B3GNT4: variants seen among roughly 807,000 people sequenced by gnomAD.
The protein encoded by B3GNT4 is N-acetyllactosaminide beta-1,3-N-acetylglucosaminyltransferase 4.
Under a neutral mutation model 2.7 loss-of-function variants are expected in B3GNT4, and 2 were observed. That is an observed-to-expected ratio of 0.73 (90% confidence interval 0.30 to 2.31). The LOEUF (loss-of-function observed/expected upper bound fraction) is 2.31. Ranked by LOEUF, B3GNT4 falls within the 30% of genes most tolerant of loss-of-function variation. The probability of loss-of-function intolerance (pLI) is 0.12; values close to 1 mark genes in which losing one functional copy is unlikely to be tolerated. For synonymous variants in B3GNT4, 280 were observed against 203.4 expected, an observed-to-expected ratio of 1.38 and a Z score of -3.20; for missense variants, 708 against 490.9, an observed-to-expected ratio of 1.44 and a Z score of -4.18.
rs150959436 is a variant in B3GNT4 at position 122,206,767 on chromosome 12, C to G, written c.516C>G (p.Ala172=). The part of the protein sequence containing the change: ...AGSAPPAQLL[A]YESREFDDIL... ...CCGCTCCCCCAGCCCAGCTGCTGGC[C>G]TATGAGAGTAGGGAGTTTGATGACA... is the stretch of plus-strand genomic sequence containing the variant. The change falls in exon 3 of 3, where the codon GCC becomes GCG. Residue 172 remains alanine, a synonymous_variant. Coordinates refer to ENST00000324189, the MANE Select transcript of B3GNT4 (RefSeq NM_030765.4). 3.7e-6 allele frequency: 6 copies of G among 1,606,676 alleles called. No homozygotes were observed. The highest frequency in any genetic ancestry group is 5.1e-6 in the Non-Finnish European group (6 of 1,175,932).
rs191255872 is a variant in B3GNT4 at position 122,208,560 on chromosome 12, T to G, written c.*1172T>G. On this transcript the variant is annotated 3_prime_UTR_variant, in exon 3 of 3. Coordinates refer to ENST00000324189, the MANE Select transcript of B3GNT4 (RefSeq NM_030765.4). Reference sequence around the variant, plus strand: ...AGCTGAATGTGATTCCTGGCGGTTATAGAGGCCTGATCTGCGCCTGCCAAA... The same window carrying G: ...AGCTGAATGTGATTCCTGGCGGTTAGAGAGGCCTGATCTGCGCCTGCCAAA... 388 of 1,613,422 alleles carry G rather than the reference T, an allele frequency of 2.4e-4. 3 individuals carry two copies. Among genetic ancestry groups the G allele is most frequent in the Non-Finnish European group, 1.5e-5 (18 of 1,180,042 alleles).
rs1448891462 is a variant in B3GNT4 at position 122,206,907 on chromosome 12, A to C, written c.656A>C (p.Asp219Ala). ...PQAHFMLKGD[D>A]DVFVHVPNVL... is the part of the protein sequence containing the mutation. ...GCCCATTTCATGCTAAAGGGAGATG[A>C]CGATGTCTTTGTCCACGTCCCCAAC... The change falls in exon 3 of 3, where the codon GAC (aspartate) becomes GCC (alanine). Residue 219 changes from aspartate (D) to alanine (A), a missense_variant. Transcript: ENST00000324189. 4 of 1,613,942 alleles carry C rather than the reference A, an allele frequency of 2.5e-6. No homozygotes were observed. In the African/African-American group the frequency reaches 4.0e-5, roughly 16 times the overall value.
rs528672572 is a variant in B3GNT4 at position 122,207,945 on chromosome 12, C to T, written c.*557C>T. ...ATACAAAGAAATCGTACAAACTGGA[C>T]AGGTTCCCCTCCCCCTGCCACAACT... On this transcript the variant is annotated 3_prime_UTR_variant, in exon 3 of 3. Coordinates refer to ENST00000324189, the MANE Select transcript of B3GNT4 (RefSeq NM_030765.4). 4 of 463,976 alleles carry T rather than the reference C, an allele frequency of 8.6e-6. No homozygotes were observed. Among genetic ancestry groups the T allele is most frequent in the African/African-American group, 7.9e-5 (4 of 50,548 alleles). 28.7% of individuals were successfully genotyped at this position (463,976 alleles called of 1,614,324 possible).
In B3GNT4 at chr12:122,207,422, C is replaced by T; in HGVS notation, c.*34C>T. The T allele has an allele frequency of 6.7e-7, 1 of 1,501,124 alleles. No individual in the cohort carries two copies. The highest frequency in any genetic ancestry group is 8.9e-7 in the Non-Finnish European group (1 of 1,126,692). 93.0% of individuals were successfully genotyped at this position (1,501,124 alleles called of 1,614,324 possible). On this transcript the variant is annotated 3_prime_UTR_variant, in exon 3 of 3. Transcript: ENST00000324189. ...TTGGGCAACAGCCTGAGAGTGGACT[C>T]AGTGTTGATTCTCTATCGTGATGCG...
Position 122,208,058 on chromosome 12 carries a change from G to C in B3GNT4, c.*670G>C, listed in dbSNP as rs1360822491. ...AGGTTAAACAGTTGCTGAACTTAAG[G>C]GCATGACAAAAAGGACTCCTCTCTC... On this transcript the variant is annotated 3_prime_UTR_variant, in exon 3 of 3. Coordinates refer to ENST00000324189, the MANE Select transcript of B3GNT4 (RefSeq NM_030765.4). The C allele has an allele frequency of 1.2e-5, 7 of 571,240 alleles. No homozygotes were observed. In the Admixed American group the frequency reaches 1.3e-4, roughly 11 times the overall value. The allele number at this position is 571,240 out of a possible 1,614,324, so 35.4% of individuals were successfully genotyped here.
rs2136075739 is a variant in B3GNT4 at position 122,207,276 on chromosome 12, A to T, written c.1025A>T (p.Tyr342Phe). ...CTGGACCCCTTAGACCCCTGCCTGT[A>T]TAGGGGGCTCCTGCTGGTTCACCGC... ...RPLDPLDPCL[Y>F]RGLLLVHRLS... The change falls in exon 3 of 3, where the codon TAT becomes TTT. Residue 342 changes from tyrosine to phenylalanine, a missense_variant. Physicochemically the swap from Tyr to Phe is conservative, Grantham distance 22. Transcript: ENST00000324189. The T allele has an allele frequency of 6.2e-7, 1 of 1,614,034 alleles. No homozygotes were observed. Among genetic ancestry groups the T allele is most frequent in the Non-Finnish European group, 8.5e-7 (1 of 1,179,980 alleles).
At chr12:122,204,412 C>G in intron 1 of B3GNT4, 110 bp from the exon 2 acceptor site, 1 of 536,850 alleles carries the variant, frequency 1.9e-6, no homozygotes, top group Non-Finnish European at 3.3e-6. Flanking sequence ...AGGGGCCACC[C>G]GGGCCGCGGC....
chr12:122,206,321 C>G lies in B3GNT4; in HGVS notation c.70C>G (p.Pro24Ala), dbSNP rs754941206. ...GGRSGLLPKG[P>A]AMLCRLCWLV... ...TCAGGTGGCTCTCTCCTTGCAGGGA[C>G]CGGCGATGCTCTGCAGGCTGTGCTG... The change falls in exon 3 of 3, where the codon CCG becomes GCG. Residue 24 changes from proline (P) to alanine (A), a missense_variant. Coordinates refer to ENST00000324189, the MANE Select transcript of B3GNT4 (RefSeq NM_030765.4). 1 of 1,557,064 alleles carries G rather than the reference C, an allele frequency of 6.4e-7. No individual in the cohort carries two copies. Among genetic ancestry groups the G allele is most frequent in the Non-Finnish European group, 8.7e-7 (1 of 1,151,266 alleles).
Position 122,206,794 on chromosome 12 carries a change from C to T in B3GNT4, c.543C>T (p.Ile181=). 1.2e-6 allele frequency: 2 copies of T among 1,609,252 alleles called. No homozygotes were observed. Among genetic ancestry groups the T allele is most frequent in the African/African-American group, 1.3e-5 (1 of 74,970 alleles). The change falls in exon 3 of 3, where the codon ATC becomes ATT. Residue 181 remains isoleucine (I), a synonymous_variant. Coordinates refer to ENST00000324189, the MANE Select transcript of B3GNT4 (RefSeq NM_030765.4). ...LAYESREFDD[I]LQWDFTEDFF... ...ATGAGAGTAGGGAGTTTGATGACAT[C>T]CTCCAGTGGGACTTCACTGAGGACT... is the stretch of plus-strand genomic sequence containing the variant.
In B3GNT4 at chr12:122,206,363, T is replaced by A; in HGVS notation, c.112T>A (p.Leu38Met). 1 of 1,606,168 alleles carries A rather than the reference T, an allele frequency of 6.2e-7. No homozygotes were observed. The highest frequency in any genetic ancestry group is 8.5e-7 in the Non-Finnish European group (1 of 1,176,872). ...CRLCWLVSYS[L>M]AVLLLGCLLF... ...GCTGTGCTGGCTGGTCTCGTACAGC[T>A]TGGCTGTGCTGTTGCTCGGCTGCCT... The change falls in exon 3 of 3, where the codon TTG (leucine) becomes ATG (methionine). Residue 38 changes from leucine (L) to methionine (M), a missense_variant. Transcript: ENST00000324189.
Position 122,206,446 on chromosome 12 carries a change from C to T in B3GNT4, c.195C>T (p.Phe65=). ...PAGDPTAHQP[F]WAPPTPRHSR... ...GAGACCCCACGGCCCACCAGCCTTT[C>T]TGGGCTCCCCCAACACCCCGTCACA... Residue 65 remains phenylalanine (F), a synonymous_variant, in exon 3 of 3, where the codon TTC becomes TTT. Coordinates refer to ENST00000324189, the MANE Select transcript of B3GNT4 (RefSeq NM_030765.4). 2 of 1,614,134 alleles carry T rather than the reference C, an allele frequency of 1.2e-6. No individual in the cohort carries two copies. Among genetic ancestry groups the T allele is most frequent in the Non-Finnish European group, 1.7e-6 (2 of 1,180,010 alleles).
rs187124215 is a variant in B3GNT4 at position 122,206,818 on chromosome 12, C to T, written c.567C>T (p.Asp189=). 2 of 1,612,220 alleles carry T rather than the reference C, an allele frequency of 1.2e-6. No homozygotes were observed. The highest frequency in any genetic ancestry group is 1.3e-5 in the African/African-American group (1 of 75,028). The stretch of plus-strand genomic sequence containing the variant: ...TCCTCCAGTGGGACTTCACTGAGGA[C>T]TTCTTCAACCTGACGCTCAAGGAGC... ...DDILQWDFTE[D]FFNLTLKELH... The change falls in exon 3 of 3, where the codon GAC becomes GAT. Residue 189 remains aspartate (D), a synonymous_variant. Coordinates refer to ENST00000324189, the MANE Select transcript of B3GNT4 (RefSeq NM_030765.4).
rs751808040 is a variant in B3GNT4 at position 122,208,290 on chromosome 12, G to A, written c.*902G>A. 2 of 1,488,590 alleles carry A rather than the reference G, an allele frequency of 1.3e-6. No homozygotes were observed. Among genetic ancestry groups the A allele is most frequent in the African/African-American group, 1.4e-5 (1 of 72,316 alleles). 92.2% of individuals were successfully genotyped at this position (1,488,590 alleles called of 1,614,324 possible). A position where few individuals can be genotyped will look rare whatever the true frequency, so the allele number is the denominator to read the frequency against. The stretch of plus-strand genomic sequence containing the variant: ...GGGCAGGATCTGCCGCCTCTTCTCG[G>A]TGCACAGACAGTCATGCCAACCCTG... On this transcript the variant is annotated 3_prime_UTR_variant, in exon 3 of 3. Transcript: ENST00000324189.
rs944132769 is a variant in B3GNT4 at position 122,206,806 on chromosome 12, C to A, written c.555C>A (p.Asp185Glu). 1 of 1,611,102 alleles carries A rather than the reference C, an allele frequency of 6.2e-7. No individual in the cohort carries two copies. The highest frequency in any genetic ancestry group is 8.5e-7 in the Non-Finnish European group (1 of 1,178,496). ...SREFDDILQW[D>E]FTEDFFNLTL... The stretch of plus-strand genomic sequence containing the variant: ...AGTTTGATGACATCCTCCAGTGGGA[C>A]TTCACTGAGGACTTCTTCAACCTGA... The change falls in exon 3 of 3, where the codon GAC (aspartate) becomes GAA (glutamate). Residue 185 changes from aspartate (D) to glutamate (E), a missense_variant. By Grantham distance (45) the Asp-to-Glu change is conservative. Coordinates refer to ENST00000324189, the MANE Select transcript of B3GNT4 (RefSeq NM_030765.4).
rs774774427 is a variant in B3GNT4, at chr12:122,206,792, A to G, written c.541A>G (p.Ile181Val). 1.9e-6 allele frequency: 3 copies of G among 1,609,032 alleles called. No individual in the cohort carries two copies. The highest frequency in any genetic ancestry group is 2.7e-5 in the African/African-American group (2 of 74,940). The change falls in exon 3 of 3, where the codon ATC becomes GTC. Residue 181 changes from isoleucine (I) to valine (V), a missense_variant. Ile to Val is a conservative substitution (Grantham distance 29). Transcript: ENST00000324189. Reference sequence around the variant, plus strand: ...CTATGAGAGTAGGGAGTTTGATGACATCCTCCAGTGGGACTTCACTGAGGA... The same window carrying G: ...CTATGAGAGTAGGGAGTTTGATGACGTCCTCCAGTGGGACTTCACTGAGGA... Reference protein sequence around the residue: ...LAYESREFDDILQWDFTEDFF... With the variant: ...LAYESREFDDVLQWDFTEDFF...
At position 122,206,863 on chromosome 12, in the gene B3GNT4, GGTGGCTGC is replaced by G. The variant is rs1229243117; in HGVS notation, c.613_620del (p.Val205LeufsTer12). The stretch of plus-strand genomic sequence containing the variant: ...AGGAGCTGCACCTGCAGCGCTGGGT[GGTGGCTGC>G]CTGCCCCCAGGCCCATTTCATGCTA... On this transcript the variant is annotated frameshift_variant, in exon 3 of 3. Coordinates refer to ENST00000324189, the MANE Select transcript of B3GNT4 (RefSeq NM_030765.4). LOFTEE classifies it low-confidence loss of function (END_TRUNC). The G allele has an allele frequency of 6.2e-7, 1 of 1,613,836 alleles. No individual in the cohort carries two copies. The highest frequency in any genetic ancestry group is 2.2e-5 in the East Asian group (1 of 44,866).
At position 122,206,763 on chromosome 12, in the gene B3GNT4, T is replaced by C. The variant is rs781295138; in HGVS notation, c.512T>C (p.Leu171Pro). Residue 171 changes from leucine to proline, a missense_variant, in exon 3 of 3, where the codon CTG becomes CCG. Transcript: ENST00000324189. ...VAGSAPPAQL[L>P]AYESREFDDI... ...GGATCCGCTCCCCCAGCCCAGCTGCTGGCCTATGAGAGTAGGGAGTTTGAT... is the reference window on the plus strand; with the variant it reads ...GGATCCGCTCCCCCAGCCCAGCTGCCGGCCTATGAGAGTAGGGAGTTTGAT... The C allele has an allele frequency of 3.7e-6, 6 of 1,606,456 alleles. No homozygotes were observed. The highest frequency in any genetic ancestry group is 1.7e-5 in the Admixed American group (1 of 59,556).
chr12:122,208,492 T>C lies in B3GNT4; in HGVS notation c.*1104T>C. ...GTGCTTCTGCCAGCTTGGTTTCTGC[T>C]TTCCGGGAGAGCTGGTGCACCTCTT... On this transcript the variant is annotated 3_prime_UTR_variant, in exon 3 of 3. Coordinates refer to ENST00000324189, the MANE Select transcript of B3GNT4 (RefSeq NM_030765.4). The C allele has an allele frequency of 6.2e-7, 1 of 1,614,170 alleles. No homozygotes were observed. The highest frequency in any genetic ancestry group is 1.1e-5 in the South Asian group (1 of 91,086).
Position 122,208,268 on chromosome 12 carries a change from C to T in B3GNT4, c.*880C>T, listed in dbSNP as rs1341643363. 2 of 1,287,822 alleles carry T rather than the reference C, an allele frequency of 1.6e-6. No individual in the cohort carries two copies. The highest frequency in any genetic ancestry group is 1.8e-5 in the Admixed American group (1 of 55,890). 79.8% of individuals were successfully genotyped at this position (1,287,822 alleles called of 1,614,324 possible). The stretch of plus-strand genomic sequence containing the variant: ...AGGCGTCTCGCCTGATTGGCCAGGG[C>T]AGGATCTGCCGCCTCTTCTCGGTGC... On this transcript the variant is annotated 3_prime_UTR_variant, in exon 3 of 3. Coordinates refer to ENST00000324189, the MANE Select transcript of B3GNT4 (RefSeq NM_030765.4).
Sources: allele counts gnomAD v4.1 joint callset, GRCh38; gene constraint gnomAD v4.1.1; transcripts MANE v1.5; gene names NCBI Gene and HGNC (gene_info 2026-07-23, HGNC 2026-07-21).